Variants in SV2C observed in about 807,000 individuals in gnomAD.
SV2C encodes synaptic vesicle glycoprotein 2C.
Under a neutral mutation model 79.7 loss-of-function variants are expected in SV2C, and 49 were observed. The observed-to-expected ratio is 0.61, with a 90% CI of 0.49 to 0.78. The LOEUF (loss-of-function observed/expected upper bound fraction) is 0.78. Ranked by LOEUF, SV2C falls within the 30% of genes least tolerant of loss-of-function variation. The pLI is 0.00. For synonymous variants in SV2C, 334 were observed against 333.2 expected (o/e 1.00, Z -0.03); for missense variants, 833 against 912.9 (o/e 0.91, Z 1.13).
chr5:76,109,507 C>T lies in SV2C; in HGVS notation c.-101-22143C>T, dbSNP rs373887261. 1.1e-4 allele frequency among the ~76,000 whole-genome samples: 17 copies of T among 152,084 alleles called. 1 individual carries two copies. Among genetic ancestry groups the T allele is most frequent in the East Asian group, 9.6e-4 (5 of 5,198 alleles). ...GGTGTTACGGGTTAAAATGTGTCCC[C>T]GAAAAGAAATGTTAAAGTCCTAATC... On this transcript the variant is annotated intron_variant, in intron 1 of 12. Coordinates refer to ENST00000502798, the MANE Select transcript of SV2C (RefSeq NM_014979.4).
intron 2 of SV2C, among the ~76,000 whole-genome samples, chr5:76,144,848 T>TGTTTTTG (rs1324790709): frequency 6.6e-6 from 1 of 152,248 alleles, no homozygotes; most frequent in Non-Finnish European, 1.5e-5. Flanking sequence ...TTTTGTTTTT[T>TGTTTTTG]TAGCAAATCA....
At chr5:76,055,667 T>C in the SV2C span, among the ~76,000 whole-genome samples, 1 of 152,188 alleles carries the variant, frequency 6.6e-6, no homozygotes, top group Non-Finnish European at 1.5e-5. Context: ...TCCTCTCTTA[T>C]TTCCTTGAGC....
the SV2C span, among the ~76,000 whole-genome samples, chr5:75,907,661 C>T: frequency 6.6e-6 from 1 of 152,298 alleles, no homozygotes; most frequent in Non-Finnish European, 1.5e-5. Flanking sequence ...CTAGTGGCTA[C>T]TGGTTGGGAC....
At position 76,339,410 on chromosome 5, in the gene SV2C, G is replaced by GT. The variant is rs1044284018; in HGVS notation, c.2001-13712dup. On this transcript the variant is annotated intron_variant, in intron 12 of 12. Coordinates refer to the SV2C transcript ENST00000322285. ...GGTTGTGATTAGTAATAGTTGTTTGGTTTTTTTTAAGATTTCTCATTTCAA... is the reference window on the plus strand; with the variant it reads ...GGTTGTGATTAGTAATAGTTGTTTGGTTTTTTTTTAAGATTTCTCATTTCAA... Among the ~76,000 whole-genome samples the GT allele has an allele frequency of 1.5e-3, 221 of 151,938 alleles. 1 individual carries two copies. Among genetic ancestry groups the GT allele is most frequent in the Middle Eastern group, 3.4e-3 (1 of 294 alleles).
At chr5:76,082,876 G>C (rs942024047), upstream of SV2C, among the ~76,000 whole-genome samples, 5 of 152,134 alleles carry the variant, frequency 3.3e-5, no homozygotes, top group Non-Finnish European at 5.9e-5. Context: ...AAGCCAAGTC[G>C]AAGTGAACAA....
chr5:76,243,448 T>A (rs757933156), intron 4 of SV2C, among the ~76,000 whole-genome samples: 2 of 152,198 alleles, frequency 1.3e-5, no homozygotes, highest in South Asian at 4.1e-4. Flanking sequence ...CACATGAGCA[T>A]CTTCTGGGCT....
chr5:76,305,862 C>A (rs1203541627), intron 12 of SV2C, among the ~76,000 whole-genome samples: 1 of 152,222 alleles, frequency 6.6e-6, no homozygotes, highest in Non-Finnish European at 1.5e-5. Flanking sequence ...CACTTACACA[C>A]TGACTGGGAC....
chr5:76,186,845 T>G (rs887298385), intron 2 of SV2C, among the ~76,000 whole-genome samples: 1 of 152,026 alleles, frequency 6.6e-6, no homozygotes, highest in Admixed American at 6.5e-5. Flanking sequence ...AATCATCAGA[T>G]CTCATGAGAA....
intron 10 of SV2C, among the ~76,000 whole-genome samples, chr5:76,299,136 A>G (rs1032132134): frequency 6.6e-6 from 1 of 152,260 alleles, no homozygotes; most frequent in African/African-American, 2.4e-5. Context: ...CCAAAGTTCA[A>G]AAGTTGGCAA....
At chr5:75,920,755 T>C in the SV2C span, 2 of 779,156 alleles carry the variant, frequency 2.6e-6, no homozygotes, top group Non-Finnish European at 4.7e-6. Context: ...TTCAGGAGGA[T>C]GGTCTCTTGG....
intron 3 of SV2C, among the ~76,000 whole-genome samples, chr5:76,208,441 C>T (rs1744673813): frequency 6.6e-6 from 1 of 152,164 alleles, no homozygotes; most frequent in South Asian, 2.1e-4. Flanking sequence ...TCACTTTAAA[C>T]AGAGGCAAAT....
chr5:76,001,627 C>A, the SV2C span, among the ~76,000 whole-genome samples: 1 of 151,916 alleles, frequency 6.6e-6, no homozygotes, highest in East Asian at 1.9e-4. Context: ...AGAAATGGCT[C>A]CTGGGAAAAA....
chr5:76,201,933 G>A (rs1169095022), intron 3 of SV2C, among the ~76,000 whole-genome samples: 1 of 150,580 alleles, frequency 6.6e-6, no homozygotes, highest in African/African-American at 2.4e-5. Context: ...CAGGAGAATG[G>A]CGAACCTGGG....
the SV2C span, among the ~76,000 whole-genome samples, chr5:75,932,824 A>T: frequency 6.6e-6 from 1 of 152,220 alleles, no homozygotes; most frequent in Non-Finnish European, 1.5e-5. Context: ...AGTTTCTTTA[A>T]GGCCTGTTTA....
chr5:75,951,020 T>C, the SV2C span, among the ~76,000 whole-genome samples: 1 of 151,956 alleles, frequency 6.6e-6, no homozygotes. Flanking sequence ...ACCCATCCTT[T>C]CTCTCTTTAT....
the SV2C span, among the ~76,000 whole-genome samples, chr5:76,045,803 C>G: frequency 6.6e-6 from 1 of 152,146 alleles, no homozygotes; most frequent in East Asian, 1.9e-4. Flanking sequence ...TGCAAGGCCT[C>G]CTTATTCTGT....
At chr5:76,190,645 A>G (rs1002119568) in intron 2 of SV2C, among the ~76,000 whole-genome samples, 2 of 152,196 alleles carry the variant, frequency 1.3e-5, no homozygotes, top group African/African-American at 4.8e-5. Flanking sequence ...AGTGGTCCAA[A>G]GACTAGGGTT....
At chr5:76,074,382 G>A in the SV2C span, among the ~76,000 whole-genome samples, 1 of 152,056 alleles carries the variant, frequency 6.6e-6, no homozygotes, top group Admixed American at 6.5e-5. Flanking sequence ...CTTACCAGAT[G>A]CCACATTTAC....
At chr5:76,335,113 T>C (rs923268148), downstream of SV2C, among the ~76,000 whole-genome samples, 4 of 152,214 alleles carry the variant, frequency 2.6e-5, no homozygotes, top group Admixed American at 6.5e-5. Context: ...GAGGCTACCA[T>C]ATTGAACACT....
Sources: gnomAD v4.1 joint callset for allele counts (sites outside exome capture counted in the v4.1 genomes callset) on GRCh38, gnomAD v4.1.1 for gene constraint, MANE v1.5 for transcripts, NCBI Gene and HGNC (gene_info 2026-07-23, HGNC 2026-07-21) for gene names.